The following USP30 variants were observed in gnomAD, a reference collection of about 807,000 sequenced individuals.
USP30 encodes the protein ubiquitin specific peptidase 30, also known as ubiquitin carboxyl-terminal hydrolase 30.
Under a neutral mutation model 68.2 loss-of-function variants are expected in USP30, and 41 were observed. The ratio of observed to expected loss-of-function variants is 0.60; its 90% CI spans 0.47 to 0.78. USP30 has a LOEUF of 0.78. Ranked by LOEUF, USP30 falls within the 30% of genes least tolerant of loss-of-function variation. The pLI is 0.00. For synonymous variants in USP30, 229 were observed against 253.7 expected (o/e 0.90, Z 0.93); for missense variants, 522 against 649.4 (o/e 0.80, Z 2.13).
intron 1 of USP30, 114 bp downstream of exon 1, chr12:109,052,875 C>A: frequency 9.1e-7 from 1 of 1,099,050 alleles, no homozygotes; most frequent in Non-Finnish European, 1.2e-6. Flanking sequence ...CGCGGGCATT[C>A]TGGAAGGTTC....
chr12:109,043,425 C>T (rs1170523904), intron 3 of USP30, among the ~76,000 whole-genome samples: 2 of 152,162 alleles, frequency 1.3e-5, no homozygotes, highest in Non-Finnish European at 2.9e-5. Context: ...TACAAACTCT[C>T]TGGTATATGG....
intron 12 of USP30, among the ~76,000 whole-genome samples, 176 bp from the exon 13 acceptor site, chr12:109,085,491 T>C (rs1289902748): frequency 1.3e-5 from 2 of 152,244 alleles, no homozygotes; most frequent in Non-Finnish European, 2.9e-5. Flanking sequence ...ACTCATAGAA[T>C]GTACATCTTG....
Position 109,082,890 on chromosome 12 carries a change from C to T in USP30, c.996C>T (p.Ser332=). ...ACCTACAGCGGCTGAGCTGGTCCAG[C>T]CACGGCACGCCTCTGAAGCGGCATG... ...CIHLQRLSWS[S]HGTPLKRHEH... is the part of the protein sequence containing the mutation. Residue 332 remains serine, a synonymous_variant, in exon 11 of 13, where the codon AGC becomes AGT. Coordinates refer to ENST00000257548, the MANE Select transcript of USP30 (RefSeq NM_032663.5). 1 of 1,614,224 alleles carries T rather than the reference C, an allele frequency of 6.2e-7. No homozygotes were observed. Among genetic ancestry groups the T allele is most frequent in the Non-Finnish European group, 8.5e-7 (1 of 1,180,032 alleles).
chr12:109,050,833 C>T (rs186043297), upstream of USP30, among the ~76,000 whole-genome samples: 16 of 151,916 alleles, frequency 1.1e-4, no homozygotes, highest in Admixed American at 9.2e-4. Context: ...GGTGAAACCC[C>T]GTCTCTACTA....
intron 8 of USP30, 198 bp downstream of exon 8, chr12:109,081,591 T>C: frequency 1.5e-6 from 1 of 654,602 alleles, no homozygotes; most frequent in South Asian, 2.0e-5. Context: ...TCCAGAAATT[T>C]TGGCTTTTTG....
At chr12:109,075,781 C>CT (rs1200199326) in intron 7 of USP30, among the ~76,000 whole-genome samples, 8 of 146,620 alleles carry the variant, frequency 5.5e-5, no homozygotes, top group East Asian at 2.0e-4. Context: ...ATTTGTATGT[C>CT]TTTTTTTTGC....
rs1324148837 is a variant in USP30, at chr12:109,070,639, ACAC to A, written c.481-970_481-968del. 6.6e-6 allele frequency among the ~76,000 whole-genome samples: 1 copy of A among 152,130 alleles called. No homozygotes were observed. Among genetic ancestry groups the A allele is most frequent in the Non-Finnish European group, 1.5e-5 (1 of 68,028 alleles). ...ATTGCTCTGGTGGCAGTGTGAGGGG[ACAC>A]CAAAGGAGAAGCAGAGGGCCTGTGT... On this transcript the variant is annotated intron_variant, in intron 4 of 12. Transcript: ENST00000257548. This position sits in a 1 kb window ranked among gnomAD's most constrained non-coding sequence, Gnocchi z 4.0.
At chr12:109,044,517 G>A (rs1287035579) in intron 3 of USP30, among the ~76,000 whole-genome samples, 1 of 151,892 alleles carries the variant, frequency 6.6e-6, no homozygotes, top group South Asian at 2.1e-4. Flanking sequence ...CGTGTCTGTA[G>A]TCCTAGCTAC....
intron 3 of USP30, among the ~76,000 whole-genome samples, chr12:109,060,605 G>A (rs891101664): frequency 1.3e-5 from 2 of 152,090 alleles, no homozygotes; most frequent in Admixed American, 6.6e-5. Flanking sequence ...CTTTGAGGCC[G>A]AAGCAAATCT....
chr12:109,049,269 C>T (rs1040329328), upstream of USP30, among the ~76,000 whole-genome samples: 4 of 152,146 alleles, frequency 2.6e-5, no homozygotes, highest in African/African-American at 4.8e-5. Context: ...GAGAGATGTG[C>T]GACTCTTCCT....
intron 3 of USP30, among the ~76,000 whole-genome samples, chr12:109,063,620 G>C (rs893490537): frequency 6.6e-6 from 1 of 152,178 alleles, no homozygotes; most frequent in Admixed American, 6.5e-5. Flanking sequence ...AGGAGCTGCT[G>C]TGCTGTTTTC....
Position 109,066,819 on chromosome 12 carries a change from G to A in USP30, c.377-705G>A, listed in dbSNP as rs114547561. On this transcript the variant is annotated intron_variant, in intron 3 of 12. Coordinates refer to ENST00000257548, the MANE Select transcript of USP30 (RefSeq NM_032663.5). ...CCTTGGGAAACAGCCCTGTGGAGAG[G>A]AGTGTAGCACCAAATATGGGGTTGG... Among the ~76,000 whole-genome samples, 547 of 152,310 alleles carry A rather than the reference G, an allele frequency of 3.6e-3. 5 individuals carry two copies. Among genetic ancestry groups the A allele is most frequent in the African/African-American group, 0.012 (516 of 41,556 alleles).
Position 109,082,847 on chromosome 12 carries a change from C to T in USP30, c.953C>T (p.Pro318Leu), listed in dbSNP as rs1364084593. ...CGATTTCTCTTCCACCCGCAGCTCC[C>T]TCAGTGTCTCTGCATCCACCTACAG... ...FVKQLKLGKL[P>L]QCLCIHLQRL... The change falls in exon 11 of 13, where the codon CCT becomes CTT. Residue 318 changes from proline (P) to leucine (L), a missense_variant. Coordinates refer to ENST00000257548, the MANE Select transcript of USP30 (RefSeq NM_032663.5). 1 of 1,613,614 alleles carries T rather than the reference C, an allele frequency of 6.2e-7. No individual in the cohort carries two copies. Among genetic ancestry groups the T allele is most frequent in the East Asian group, 2.2e-5 (1 of 44,864 alleles).
At chr12:109,072,233 G>T in intron 5 of USP30, 72 bp from the exon 6 acceptor site, 3 of 1,338,060 alleles carry the variant, frequency 2.2e-6, no homozygotes, top group Non-Finnish European at 3.2e-6. Context: ...GTAAGGTTTA[G>T]GGGTGGGGTG....
intron 3 of USP30, among the ~76,000 whole-genome samples, chr12:109,059,549 T>C (rs1398468636): frequency 2.0e-5 from 3 of 152,172 alleles, no homozygotes; most frequent in Non-Finnish European, 4.4e-5. Context: ...AGTCTTGTTC[T>C]GTTGCCCAGG....
upstream of USP30, among the ~76,000 whole-genome samples, chr12:109,049,270 G>A (rs1593228768): frequency 6.6e-6 from 1 of 152,106 alleles, no homozygotes; most frequent in Non-Finnish European, 1.5e-5. Context: ...AGAGATGTGC[G>A]ACTCTTCCTA....
At chr12:109,084,759 G>T (rs544100232) in intron 11 of USP30, among the ~76,000 whole-genome samples, 194 bp from the exon 12 acceptor site, 2 of 152,238 alleles carry the variant, frequency 1.3e-5, no homozygotes, top group African/African-American at 4.8e-5. Context: ...TTCCTATTTG[G>T]GATTAAGACA....
At chr12:109,082,167 G>T in intron 9 of USP30, 148 bp downstream of exon 9, 1 of 776,996 alleles carries the variant, frequency 1.3e-6, no homozygotes. Context: ...TTGGACATTG[G>T]CAGCTCATGG....
At chr12:109,055,048 A>G (rs1286996953) in intron 1 of USP30, among the ~76,000 whole-genome samples, 2 of 152,258 alleles carry the variant, frequency 1.3e-5, no homozygotes, top group East Asian at 3.9e-4. Context: ...GTATGTATGC[A>G]TGTGTAACAT....
Sources: gnomAD v4.1 joint callset for allele counts (sites outside exome capture counted in the v4.1 genomes callset) on GRCh38, gnomAD v4.1.1 for gene constraint, Gnocchi (gnomAD v3.1) non-coding constraint, MANE v1.5 for transcripts, NCBI Gene and HGNC (gene_info 2026-07-23, HGNC 2026-07-21) for gene names.